RGS8: variants seen among roughly 807,000 people sequenced by gnomAD.
RGS8 encodes the protein regulator of G-protein signaling 8.
Under a neutral mutation model 21.7 loss-of-function variants are expected in RGS8, and 8 were observed. That is an observed-to-expected ratio of 0.37 (90% CI 0.22 to 0.66). The LOEUF (loss-of-function observed/expected upper bound fraction) is 0.66. Ranked by LOEUF, RGS8 falls within the 30% of genes least tolerant of loss-of-function variation. The pLI, the probability that RGS8 is intolerant of heterozygous loss-of-function variation, is 0.59. For missense variants in RGS8, 157 were observed against 217.9 expected, an observed-to-expected ratio of 0.72 and a Z score of 1.76; for synonymous variants, 80 against 83.6, an observed-to-expected ratio of 0.96 and a Z score of 0.24.
At chr1:182,749,819 T>C in the RGS8 span, among the ~76,000 whole-genome samples, 56,688 of 151,922 alleles carry the variant, frequency 0.37, 10,828 homozygotes, top group Non-Finnish European at 0.41. Context: ...GCTGCACCTA[T>C]CACCCCATCA....
chr1:182,712,912 G>A, the RGS8 span: 3 of 152,170 alleles, frequency 2.0e-5, no homozygotes, highest in African/African-American at 2.4e-5. Flanking sequence ...TGGGGCTGTA[G>A]CACCCTGAAA....
downstream of RGS8, chr1:182,641,999 C>T (rs1253869653): frequency 1.3e-5 from 2 of 152,136 alleles, no homozygotes; most frequent in African/African-American, 2.4e-5. Flanking sequence ...CTAATGCTAC[C>T]GGGGTTGGAG....
chr1:182,677,557 C>T (rs541795901), upstream of RGS8, among the ~76,000 whole-genome samples: 6 of 152,276 alleles, frequency 3.9e-5, no homozygotes, highest in South Asian at 4.1e-4. Context: ...ACCTGCTCAG[C>T]GAGGTGAGAC....
At position 182,684,098 on chromosome 1, in the gene RGS8, T is replaced by A. The variant is rs943361707; in HGVS notation, n.221+258A>T. 6.6e-6 allele frequency among the ~76,000 whole-genome samples: 1 copy of A among 152,082 alleles called. No homozygotes were observed. Among genetic ancestry groups the A allele is most frequent in the Non-Finnish European group, 1.5e-5 (1 of 68,008 alleles). On this transcript the variant is annotated intron_variant and non_coding_transcript_variant, in intron 1 of 4. Transcript: ENST00000515211. This position sits in a 1 kb window ranked among gnomAD's most constrained non-coding sequence, Gnocchi z 4.2. ...AGGAGTTAGGGTTGAGGAAGGAGGATGGAGAACACAAAGGACATTTGAGGC... is the reference window on the plus strand; with the variant it reads ...AGGAGTTAGGGTTGAGGAAGGAGGAAGGAGAACACAAAGGACATTTGAGGC...
the RGS8 span, among the ~76,000 whole-genome samples, chr1:182,693,764 A>G: frequency 6.6e-6 from 1 of 152,250 alleles, no homozygotes; most frequent in Non-Finnish European, 1.5e-5. Flanking sequence ...AATGTGGTAC[A>G]TGTATACCAT....
At chr1:182,695,356 G>T in the RGS8 span, among the ~76,000 whole-genome samples, 1 of 152,078 alleles carries the variant, frequency 6.6e-6, no homozygotes, top group Non-Finnish European at 1.5e-5. Context: ...CTCACATTTC[G>T]CAGAACACTT....
At chr1:182,693,126 G>A in the RGS8 span, among the ~76,000 whole-genome samples, 2 of 152,236 alleles carry the variant, frequency 1.3e-5, no homozygotes, top group African/African-American at 4.8e-5. Flanking sequence ...AAATAGACAA[G>A]TGAGGCCTAA....
At chr1:182,661,534 G>A (rs1444717679) in intron 5 of RGS8, among the ~76,000 whole-genome samples, 1 of 151,738 alleles carries the variant, frequency 6.6e-6, no homozygotes, top group Non-Finnish European at 1.5e-5. Flanking sequence ...GGAGAAATAA[G>A]GGAAGGAAGG....
At chr1:182,708,617 C>G in the RGS8 span, among the ~76,000 whole-genome samples, 2 of 152,244 alleles carry the variant, frequency 1.3e-5, no homozygotes. Context: ...TAGCACGGCT[C>G]CATCTCTCCT....
the RGS8 span, among the ~76,000 whole-genome samples, chr1:182,745,704 A>G: frequency 3.9e-5 from 6 of 152,250 alleles, no homozygotes; most frequent in Non-Finnish European, 7.3e-5. Flanking sequence ...TATTAAGTGT[A>G]TAAGTTAAAC....
At chr1:182,702,390 G>A in the RGS8 span, among the ~76,000 whole-genome samples, 2,222 of 152,274 alleles carry the variant, frequency 0.015, 62 homozygotes, top group African/African-American at 0.051. Context: ...AGAGTAGGGA[G>A]GAAGTGAGGG....
chr1:182,714,618 A>C, the RGS8 span: 157 of 152,374 alleles, frequency 1.0e-3, no homozygotes, highest in African/African-American at 3.7e-3. Flanking sequence ...AATGTCCTGC[A>C]TATGGTAGAT....
rs146643125 is a variant in RGS8 at position 182,665,884 on chromosome 1, C to T, written c.193+85G>A. On this transcript the variant is annotated intron_variant, in intron 5 of 6. Coordinates refer to ENST00000483095, the Ensembl canonical transcript of RGS8. ...GAGGTCTGGAACACCTAGTACATAC[C>T]TGCCTGGATCATCACAGGCCTTTGG... 1.6e-4 allele frequency: 199 copies of T among 1,214,880 alleles called. 1 individual carries two copies. The African/African-American group carries it at 2.4e-3, about 15-fold the overall frequency. The allele number at this position is 1,214,880 out of a possible 1,614,324, so 75.3% of individuals were successfully genotyped here.
the RGS8 span, among the ~76,000 whole-genome samples, chr1:182,742,734 A>G: frequency 6.6e-6 from 1 of 150,486 alleles, no homozygotes; most frequent in African/African-American, 2.5e-5. Flanking sequence ...CCGTGGAAAG[A>G]GAGGGAGAGG....
At chr1:182,713,676 T>C in the RGS8 span, among the ~76,000 whole-genome samples, 48,532 of 152,014 alleles carry the variant, frequency 0.32, 7,752 homozygotes, top group African/African-American at 0.35. Context: ...TGCCATGCTA[T>C]AGTTGTGAGA....
the RGS8 span, among the ~76,000 whole-genome samples, chr1:182,714,025 C>T: frequency 6.6e-6 from 1 of 152,116 alleles, no homozygotes; most frequent in African/African-American, 2.4e-5. Flanking sequence ...TTCTACCACG[C>T]CAATTTGACT....
At chr1:182,688,711 C>T (rs1027297111), upstream of RGS8, among the ~76,000 whole-genome samples, 2 of 152,174 alleles carry the variant, frequency 1.3e-5, no homozygotes, top group African/African-American at 4.8e-5. Context: ...ATGAGAGGGA[C>T]TCAACCCATG....
At chr1:182,723,384 C>T in the RGS8 span, among the ~76,000 whole-genome samples, 2 of 152,164 alleles carry the variant, frequency 1.3e-5, no homozygotes, top group Non-Finnish European at 2.9e-5. Flanking sequence ...GGGATCCTCT[C>T]TGGCTGTTGG....
chr1:182,647,174 G>A (rs996962115), intron 6 of RGS8, among the ~76,000 whole-genome samples: 6 of 152,196 alleles, frequency 3.9e-5, no homozygotes, highest in Admixed American at 1.3e-4. Context: ...GTTTAAAGTA[G>A]TATGGAAAGT....
Sources: gnomAD v4.1 joint callset for allele counts (sites outside exome capture counted in the v4.1 genomes callset) on GRCh38, gnomAD v4.1.1 for gene constraint, Gnocchi (gnomAD v3.1) non-coding constraint, MANE v1.5 for transcripts, NCBI Gene and HGNC (gene_info 2026-07-23, HGNC 2026-07-21) for gene names.